CRACDL: variants seen among roughly 807,000 people sequenced by gnomAD.
CRACDL encodes CRACD like, also known as CRACD-like protein.
Under a neutral mutation model 70.6 loss-of-function variants are expected in CRACDL, and 26 were observed. The ratio of observed to expected loss-of-function variants is 0.37; its 90% CI spans 0.27 to 0.51. CRACDL has a LOEUF of 0.51. CRACDL is among the 20% of genes least tolerant of loss of function. The probability of loss-of-function intolerance (pLI) is 0.94; values close to 1 mark genes in which losing one functional copy is unlikely to be tolerated. For synonymous variants in CRACDL, 618 were observed against 615.2 expected (o/e 1.00, Z -0.07); for missense variants, 1,283 against 1,376.9 (o/e 0.93, Z 1.08).
chr2:98,919,483 CT>C (rs1361826717), intron 1 of CRACDL, among the ~76,000 whole-genome samples: 3 of 152,012 alleles, frequency 2.0e-5, no homozygotes, highest in Non-Finnish European at 2.9e-5. Flanking sequence ...TTTTTTCTGT[CT>C]CTGGTATCAT....
Position 98,838,159 on chromosome 2 carries a change from C to T in CRACDL, c.199G>A (p.Glu67Lys), listed in dbSNP as rs755130992. 1.9e-6 allele frequency: 3 copies of T among 1,613,506 alleles called. No homozygotes were observed. The highest frequency in any genetic ancestry group is 2.5e-6 in the Non-Finnish European group (3 of 1,179,810). ...GAGTCGTAGCCCACTGGCCCGGATT[C>T]GATGGCAATGACCTCATTCCTCGTC... The part of the protein sequence containing the change: ...SQTRNEVIAI[E>K]SGPVGYDSED... The change falls in exon 3 of 10, where the codon GAA becomes AAA. Residue 67 changes from glutamate (E) to lysine (K), a missense_variant. Glu to Lys is a moderately conservative substitution (Grantham distance 56, BLOSUM62 1). Transcript: ENST00000397899.
chr2:98,840,782 G>A (rs1012132027), intron 2 of CRACDL: 4 of 152,102 alleles, frequency 2.6e-5, no homozygotes, highest in African/African-American at 9.7e-5. Context: ...TTATTATCTT[G>A]CTGGGGAAAT....
intron 1 of CRACDL, among the ~76,000 whole-genome samples, chr2:98,849,558 T>C (rs1706398291): frequency 6.6e-6 from 1 of 151,366 alleles, no homozygotes; most frequent in South Asian, 2.1e-4. Flanking sequence ...CAGATGCAGA[T>C]GTAGGCGGAG....
chr2:98,903,780 AT>A (rs1708342121), intron 1 of CRACDL, among the ~76,000 whole-genome samples: 1 of 152,232 alleles, frequency 6.6e-6, no homozygotes, highest in Non-Finnish European at 1.5e-5. Flanking sequence ...TTTAAGTCAG[AT>A]ACATCACTAA....
At chr2:98,853,612 T>A (rs1706571244) in intron 1 of CRACDL, among the ~76,000 whole-genome samples, 1 of 152,196 alleles carries the variant, frequency 6.6e-6, no homozygotes, top group African/African-American at 2.4e-5. Context: ...GTGGTAAATA[T>A]GTGGGTAAAT....
intron 1 of CRACDL, among the ~76,000 whole-genome samples, chr2:98,890,970 T>C (rs1394894762): frequency 1.3e-5 from 2 of 151,872 alleles, no homozygotes; most frequent in Non-Finnish European, 2.9e-5. Context: ...GGCAAGAGAA[T>C]TGCTTGAACC....
At chr2:98,808,074 C>CTTACAT (rs1005197994) in intron 7 of CRACDL, among the ~76,000 whole-genome samples, 3 of 152,204 alleles carry the variant, frequency 2.0e-5, no homozygotes, top group Admixed American at 6.5e-5. Context: ...TTTAATTTCG[C>CTTACAT]TTACATTTAC....
At chr2:98,925,114 G>C (rs551709969) in intron 1 of CRACDL, among the ~76,000 whole-genome samples, 20 of 152,176 alleles carry the variant, frequency 1.3e-4, no homozygotes, top group Non-Finnish European at 2.9e-4. Context: ...GGGCTGGGGA[G>C]AGGCAAGAGG....
chr2:98,797,540 G>A lies in CRACDL; in HGVS notation c.2417-3C>T. 1.9e-6 allele frequency: 3 copies of A among 1,613,288 alleles called. No homozygotes were observed. The highest frequency in any genetic ancestry group is 2.5e-6 in the Non-Finnish European group (3 of 1,179,986). ...TGCTGCAGGCGGCAGACTCTTTTCT[G>A]TTGGGTAAAGGCACAAGATTATAGA... On this transcript the variant is annotated splice_region_variant and splice_polypyrimidine_tract_variant and intron_variant, in intron 7 of 9. Coordinates refer to ENST00000397899, the MANE Select transcript of CRACDL (RefSeq NM_207362.3).
intron 1 of CRACDL, among the ~76,000 whole-genome samples, chr2:98,904,366 G>A (rs564784696): frequency 6.6e-6 from 1 of 152,344 alleles, no homozygotes; most frequent in East Asian, 1.9e-4. Context: ...AGCACAGGAA[G>A]TCTCTCCATG....
chr2:98,890,581 C>T (rs1292113946), intron 1 of CRACDL, among the ~76,000 whole-genome samples: 2 of 152,228 alleles, frequency 1.3e-5, no homozygotes, highest in Admixed American at 1.3e-4. Context: ...AAGAATAGTA[C>T]AAATTATGTA....
intron 1 of CRACDL, among the ~76,000 whole-genome samples, chr2:98,928,206 TA>T (rs201661395): frequency 1.5e-4 from 22 of 150,510 alleles, no homozygotes; most frequent in African/African-American, 2.9e-4. Flanking sequence ...TAAATAAAAA[TA>T]AAAAAAAATA....
chr2:98,925,238 C>T (rs569713672), intron 1 of CRACDL, among the ~76,000 whole-genome samples: 97 of 152,330 alleles, frequency 6.4e-4, no homozygotes, highest in Non-Finnish European at 7.6e-4. Flanking sequence ...CCCTCCCTTG[C>T]CTAGGCTCAG....
chr2:98,823,703 A>G lies in CRACDL; in HGVS notation c.736-166T>C, dbSNP rs1395636275. 6.6e-6 allele frequency among the ~76,000 whole-genome samples: 1 copy of G among 152,188 alleles called. No homozygotes were observed. Among genetic ancestry groups the G allele is most frequent in the African/African-American group, 2.4e-5 (1 of 41,434 alleles). On this transcript the variant is annotated intron_variant, in intron 6 of 9. Coordinates refer to ENST00000397899, the MANE Select transcript of CRACDL (RefSeq NM_207362.3). This position sits in a 1 kb window ranked among gnomAD's most constrained non-coding sequence, Gnocchi z 4.0. ...GGTGTCTTTTCTCAGTCTGTATCCT[A>G]CTGGTCTACTTGGGCTCACAAGTTT...
chr2:98,795,077 A>ATATTTT, intron 9 of CRACDL, among the ~76,000 whole-genome samples: 4 of 58,490 alleles, frequency 6.8e-5, no homozygotes, highest in African/African-American at 2.0e-4. Flanking sequence ...ATATATATAT[A>ATATTTT]TTTTTTTTTT....
intron 1 of CRACDL, among the ~76,000 whole-genome samples, chr2:98,907,058 G>A (rs770482462): frequency 7.2e-5 from 11 of 152,182 alleles, no homozygotes; most frequent in Non-Finnish European, 8.8e-5. Context: ...TTAGGAGGCC[G>A]AGGTGGGTTG....
At chr2:98,870,014 G>C (rs1257441172) in intron 1 of CRACDL, among the ~76,000 whole-genome samples, 1 of 152,108 alleles carries the variant, frequency 6.6e-6, no homozygotes, top group African/African-American at 2.4e-5. Context: ...CGGCTCCCCA[G>C]CCACCCCACG....
chr2:98,832,597 G>C (rs1219689922), intron 4 of CRACDL, 85 bp from the exon 5 acceptor site: 2 of 1,308,184 alleles, frequency 1.5e-6, no homozygotes, highest in Non-Finnish European at 2.1e-6. Context: ...ATTCATGCTG[G>C]AAATGCCTTC....
chr2:98,815,451 A>G (rs1704743090), intron 7 of CRACDL, among the ~76,000 whole-genome samples: 1 of 152,220 alleles, frequency 6.6e-6, no homozygotes, highest in East Asian at 1.9e-4. Context: ...CTACGGCTAG[A>G]AAGCCAAGGT....
Sources: gnomAD v4.1 joint callset for allele counts (sites outside exome capture counted in the v4.1 genomes callset) on GRCh38, gnomAD v4.1.1 for gene constraint, Gnocchi (gnomAD v3.1) non-coding constraint, MANE v1.5 for transcripts, NCBI Gene and HGNC (gene_info 2026-07-23, HGNC 2026-07-21) for gene names.